HACE1: variants seen among roughly 807,000 people sequenced by gnomAD.
HACE1 encodes the protein E3 ubiquitin-protein ligase HACE1.
A neutral mutation model predicts 118.4 loss-of-function variants in HACE1; 73 were observed. That is an observed-to-expected ratio of 0.62 (90% confidence interval 0.51 to 0.75). HACE1 has a LOEUF of 0.75. HACE1 is among the 30% of genes least tolerant of loss of function. The pLI is 0.00. For missense variants in HACE1, 749 were observed against 1,102.2 expected (o/e 0.68, Z 4.54); for synonymous variants, 368 against 374.8 (o/e 0.98, Z 0.21).
chr6:104,853,988 A>C (rs1776483076), intron 1 of HACE1, among the ~76,000 whole-genome samples: 1 of 152,196 alleles, frequency 6.6e-6, no homozygotes. Context: ...ACTGTAATAA[A>C]AGTTATGTGA....
At chr6:104,844,925 A>C (rs9486024) in intron 4 of HACE1, among the ~76,000 whole-genome samples, 4,774 of 152,012 alleles carry the variant, frequency 0.031, 234 homozygotes, top group African/African-American at 0.11. Context: ...CAGCCTCCCT[A>C]AGTGCTGGGA....
intron 22 of HACE1, among the ~76,000 whole-genome samples, chr6:104,743,836 TTAAAA>T (rs10556590): frequency 0.25 from 34,720 of 141,652 alleles, 4,107 homozygotes; most frequent in African/African-American, 0.34. Flanking sequence ...TATTAAAATA[TTAAAA>T]TAATATACAA....
chr6:104,739,813 G>A (rs371472283), intron 22 of HACE1, among the ~76,000 whole-genome samples: 18 of 151,632 alleles, frequency 1.2e-4, no homozygotes, highest in South Asian at 4.2e-4. Context: ...TGCACCAAGC[G>A]GACCTAATAG....
At position 104,851,047 on chromosome 6, in the gene HACE1, CATA is replaced by C. The variant is rs560079834; in HGVS notation, c.132-54_132-52del. 569 of 1,011,632 alleles carry C rather than the reference CATA, an allele frequency of 5.6e-4. 7 individuals are homozygous for C. The highest frequency in any genetic ancestry group is 4.5e-3 in the Middle Eastern group (21 of 4,628). The allele number at this position is 1,011,632 out of a possible 1,614,324, so 62.7% of individuals were successfully genotyped here. A position where few individuals can be genotyped will look rare whatever the true frequency, so the allele number is the denominator to read the frequency against. ...CAAGTGTAAAAAAAGTTTTTAAAAACATAATAAATCAAGTTAACAACTCTTTAG... is the reference window on the plus strand; with the variant it reads ...CAAGTGTAAAAAAAGTTTTTAAAAACATAAATCAAGTTAACAACTCTTTAG... On this transcript the variant is annotated intron_variant, in intron 2 of 23. Coordinates refer to ENST00000262903, the MANE Select transcript of HACE1 (RefSeq NM_020771.4).
chr6:104,830,754 C>T (rs1773776130), intron 6 of HACE1, among the ~76,000 whole-genome samples: 1 of 125,764 alleles, frequency 8.0e-6, no homozygotes, highest in Non-Finnish European at 1.6e-5. Flanking sequence ...AAATAAATTA[C>T]ATTCTTTTTT....
chr6:104,843,621 C>T (rs1775324907), intron 4 of HACE1, among the ~76,000 whole-genome samples: 1 of 151,980 alleles, frequency 6.6e-6, no homozygotes, highest in East Asian at 1.9e-4. Flanking sequence ...AGAAATATAA[C>T]AAAATACAAG....
chr6:104,754,871 A>T (rs1460466525), intron 19 of HACE1, among the ~76,000 whole-genome samples: 1 of 152,178 alleles, frequency 6.6e-6, no homozygotes, highest in Non-Finnish European at 1.5e-5. Context: ...TGAAGCAACC[A>T]CATAAACCAA....
At chr6:104,822,046 AAAAG>A (rs1772778386) in intron 6 of HACE1, among the ~76,000 whole-genome samples, 1 of 151,838 alleles carries the variant, frequency 6.6e-6, no homozygotes, top group Non-Finnish European at 1.5e-5. Context: ...CCATTTCTAC[AAAAG>A]AAAGTCATAA....
intron 22 of HACE1, among the ~76,000 whole-genome samples, chr6:104,733,827 A>C (rs535754887): frequency 1.4e-5 from 2 of 146,132 alleles, no homozygotes; most frequent in African/African-American, 5.3e-5. Context: ...CAATAGAGCA[A>C]GACTTCATCT....
rs550729016 is a variant in HACE1 at position 104,729,716 on chromosome 6, C to G, written c.2676G>C (p.Lys892Asn). 1.9e-6 allele frequency: 3 copies of G among 1,588,692 alleles called. No homozygotes were observed. In the East Asian group the frequency reaches 6.7e-5, roughly 36 times the overall value. Residue 892 changes from lysine (K) to asparagine (N), a missense_variant, in exon 24 of 24, where the codon AAG becomes AAC. Lys to Asn is a moderately conservative substitution (Grantham distance 94). Transcript: ENST00000262903. Reference sequence around the variant, plus strand: ...AATGTAGTGCCACAAGAAGTCTGTCCTTGAGTATTTCTTTACTTGGGTATT... The same window carrying G: ...AATGTAGTGCCACAAGAAGTCTGTCGTTGAGTATTTCTTTACTTGGGTATT... The part of the protein sequence containing the change: ...LPEYPSKEIL[K>N]DRLLVALHCG...
chr6:104,757,363 T>G (rs1239501861), intron 19 of HACE1, among the ~76,000 whole-genome samples: 3 of 152,160 alleles, frequency 2.0e-5, no homozygotes, highest in Non-Finnish European at 4.4e-5. Context: ...CAGCAATATT[T>G]GCTGTTCTGC....
At chr6:104,851,116 G>C in intron 2 of HACE1, 120 bp from the exon 3 acceptor site, 1 of 693,766 alleles carries the variant, frequency 1.4e-6, no homozygotes, top group Non-Finnish European at 2.6e-6. Context: ...CAAGAGTCTT[G>C]CTCTGTCACC....
chr6:104,791,346 AGAGTT>A (rs971828527), intron 11 of HACE1, among the ~76,000 whole-genome samples, 153 bp downstream of exon 11: 2 of 152,020 alleles, frequency 1.3e-5, no homozygotes, highest in African/African-American at 4.8e-5. Context: ...TTGATTAGAC[AGAGTT>A]GAGAGGAGAA....
chr6:104,741,726 C>G (rs985434906), intron 22 of HACE1, among the ~76,000 whole-genome samples: 7 of 149,456 alleles, frequency 4.7e-5, no homozygotes, highest in African/African-American at 1.7e-4. Context: ...GTGAAAATGG[C>G]CATACTGCCC....
chr6:104,729,641 A>G lies in HACE1; in HGVS notation c.*21T>C, dbSNP rs1554214502. The G allele has an allele frequency of 9.2e-7, 1 of 1,090,290 alleles. No homozygotes were observed. The highest frequency in any genetic ancestry group is 1.4e-6 in the Non-Finnish European group (1 of 701,532). The allele number at this position is 1,090,290 out of a possible 1,614,324, so 67.5% of individuals were successfully genotyped here. On this transcript the variant is annotated 3_prime_UTR_variant, in exon 24 of 24. Coordinates refer to ENST00000262903, the MANE Select transcript of HACE1 (RefSeq NM_020771.4). Reference sequence around the variant, plus strand: ...CATTCTGAATTGTGCATCAGTAGTCAGAGGAGTTTTCCAGACTTCATTATG... The same window carrying G: ...CATTCTGAATTGTGCATCAGTAGTCGGAGGAGTTTTCCAGACTTCATTATG...
intron 19 of HACE1, among the ~76,000 whole-genome samples, chr6:104,770,154 T>C (rs1428592943): frequency 6.6e-6 from 1 of 152,176 alleles, no homozygotes; most frequent in East Asian, 1.9e-4. Context: ...CATTGTTTCT[T>C]ATAGTTAAAT....
intron 4 of HACE1, among the ~76,000 whole-genome samples, chr6:104,844,717 C>T (rs1775480360): frequency 1.4e-5 from 2 of 147,774 alleles, no homozygotes. Context: ...GGCTGGAGTG[C>T]AATGGCACAA....
chr6:104,744,344 C>T, intron 21 of HACE1, 114 bp from the exon 22 acceptor site: 1 of 860,152 alleles, frequency 1.2e-6, no homozygotes. Flanking sequence ...AACTCGTTTA[C>T]CAAAAATGAT....
At chr6:104,765,698 T>G (rs1302325446) in intron 19 of HACE1, among the ~76,000 whole-genome samples, 1 of 152,210 alleles carries the variant, frequency 6.6e-6, no homozygotes, top group Non-Finnish European at 1.5e-5. Context: ...TTATGATAGA[T>G]CTTTGCTTGT....
Sources: allele counts gnomAD v4.1 joint callset (sites outside exome capture counted in the v4.1 genomes callset), GRCh38; gene constraint gnomAD v4.1.1; transcripts MANE v1.5; gene names NCBI Gene and HGNC (gene_info 2026-07-23, HGNC 2026-07-21).